CSF1: variants seen among roughly 807,000 people sequenced by gnomAD.
The protein encoded by CSF1 is macrophage colony-stimulating factor 1.
A neutral mutation model predicts 48.9 loss-of-function variants in CSF1; 9 were observed. The ratio of observed to expected loss-of-function variants is 0.18; its 90% CI spans 0.11 to 0.32. CSF1 has a LOEUF of 0.32. Among genes scored for constraint, CSF1 ranks in the 10% least tolerant of loss-of-function variants. The probability of loss-of-function intolerance (pLI) is 1.00; values close to 1 mark genes in which losing one functional copy is unlikely to be tolerated. For missense variants in CSF1, 672 were observed against 697.9 expected (o/e 0.96, Z 0.42); for synonymous variants, 305 against 284.1 (o/e 1.07, Z -0.74).
chr1:109,923,020 C>T (rs556508943), intron 5 of CSF1, 146 bp from the exon 6 acceptor site: 8 of 721,046 alleles, frequency 1.1e-5, no homozygotes, highest in South Asian at 4.8e-5. Context: ...GTCCCATCCT[C>T]TTCTCAGCCC....
chr1:109,923,901 G>A lies in CSF1; in HGVS notation c.1280G>A (p.Arg427Lys). 6.2e-7 allele frequency: 1 copy of A among 1,614,074 alleles called. No individual in the cohort carries two copies. The highest frequency in any genetic ancestry group is 8.5e-7 in the Non-Finnish European group (1 of 1,179,916). ...CTCTCTGCTCAGCCACAGCTTTCCA[G>A]AAGCCACTCCTCGGGCAGCGTGCTG... ...STLSAQPQLS[R>K]SHSSGSVLPL... The change falls in exon 6 of 9, where the codon AGA (arginine) becomes AAA (lysine). Residue 427 changes from arginine to lysine, a missense_variant. This residue lies in a region of CSF1 where 591 missense variants were observed against 593.6 expected (regional missense o/e 1.00). Coordinates refer to ENST00000329608, the MANE Select transcript of CSF1 (RefSeq NM_000757.6).
rs1293849497 is a variant in CSF1 at position 109,929,468 on chromosome 1, G to C, written c.*630G>C. ...CACCCTCGGCTCACCTAAGTGCCCT[G>C]TGCTGGTTGCCAGGCGCAGAGGGGA... On this transcript the variant is annotated 3_prime_UTR_variant, in exon 9 of 9. Transcript: ENST00000329608. 6.5e-6 allele frequency: 1 copy of C among 152,818 alleles called. No individual in the cohort carries two copies. The highest frequency in any genetic ancestry group is 1.5e-5 in the Non-Finnish European group (1 of 68,242). 9.5% of individuals were successfully genotyped at this position (152,818 alleles called of 1,614,324 possible).
Position 109,921,828 on chromosome 1 carries a change from G to GT in CSF1, c.397-19_397-18insT. ...GCCAATGGTCATGCTCACAAAAGGG[G>GT]GCCCTGATCTCCTTCCAGGCCTGCG... On this transcript the variant is annotated intron_variant, in intron 4 of 8. Transcript: ENST00000329608. The GT allele has an allele frequency of 1.9e-6, 3 of 1,538,632 alleles. No individual in the cohort carries two copies. In the South Asian group the frequency reaches 3.7e-5, roughly 19 times the overall value.
chr1:109,912,281 A>AG (rs1654722943), intron 1 of CSF1, among the ~76,000 whole-genome samples: 1 of 152,028 alleles, frequency 6.6e-6, no homozygotes, highest in Non-Finnish European at 1.5e-5. Flanking sequence ...GGCCTTGTTG[A>AG]GGGGGAAGAT....
At chr1:109,925,745 C>T (rs1647817877) in intron 8 of CSF1, among the ~76,000 whole-genome samples, 1 of 152,136 alleles carries the variant, frequency 6.6e-6, no homozygotes, top group Non-Finnish European at 1.5e-5. Flanking sequence ...GGTCATTTGG[C>T]CCTGGTTCCC....
At chr1:109,918,591 A>G (rs1320614602) in intron 4 of CSF1, among the ~76,000 whole-genome samples, 1 of 152,166 alleles carries the variant, frequency 6.6e-6, no homozygotes, top group African/African-American at 2.4e-5. Flanking sequence ...AAGACTTGGT[A>G]CGTGCAGTGG....
chr1:109,911,194 G>A (rs1654667694), intron 1 of CSF1, 132 bp downstream of exon 1: 1 of 514,734 alleles, frequency 1.9e-6, no homozygotes. Context: ...TCCCGCCGCG[G>A]ACGAACCGCC....
At chr1:109,926,839 G>C (rs1647863012) in intron 8 of CSF1, 1 of 152,238 alleles carries the variant, frequency 6.6e-6, no homozygotes, top group Non-Finnish European at 1.5e-5. Flanking sequence ...GGCAGGGACT[G>C]TCTTCCACTT....
intron 3 of CSF1, 46 bp downstream of exon 3, chr1:109,915,742 A>T (rs1472080488): frequency 6.7e-7 from 1 of 1,483,266 alleles, no homozygotes; most frequent in Non-Finnish European, 9.4e-7. Flanking sequence ...CCTGCATGCA[A>T]CTCCCAGGGT....
intron 1 of CSF1, among the ~76,000 whole-genome samples, chr1:109,912,302 A>C (rs1049171540): frequency 6.6e-6 from 1 of 152,110 alleles, no homozygotes; most frequent in African/African-American, 2.4e-5. Context: ...GAAATGGAAT[A>C]GGATAGGTGG....
intron 8 of CSF1, among the ~76,000 whole-genome samples, chr1:109,927,741 C>T (rs1429699359): frequency 6.6e-6 from 1 of 152,146 alleles, no homozygotes; most frequent in Non-Finnish European, 1.5e-5. Context: ...GAGTGCCAGC[C>T]CCTAGAGTGA....
chr1:109,923,528 T>C lies in CSF1; in HGVS notation c.907T>C (p.Trp303Arg). 3.7e-6 allele frequency: 6 copies of C among 1,614,110 alleles called. No homozygotes were observed. Among genetic ancestry groups the C allele is most frequent in the Admixed American group, 1.7e-5 (1 of 60,024 alleles). Reference protein sequence around the residue: ...DILDSAMGTNWVPEEASGEAS... With the variant: ...DILDSAMGTNRVPEEASGEAS... ...TCTTGACTCTGCAATGGGCACTAAT[T>C]GGGTCCCAGAAGAAGCCTCTGGAGA... Residue 303 changes from tryptophan (W) to arginine (R), a missense_variant, in exon 6 of 9, where the codon TGG becomes CGG. By Grantham distance (101) the Trp-to-Arg change is moderately radical. This residue lies in a region of CSF1 where 591 missense variants were observed against 593.6 expected (regional missense o/e 1.00). Transcript: ENST00000329608.
intron 5 of CSF1, 137 bp downstream of exon 5, chr1:109,922,131 C>A: frequency 9.6e-7 from 1 of 1,045,124 alleles, no homozygotes; most frequent in Non-Finnish European, 1.4e-6. Context: ...CATGAATGTG[C>A]TTGTTCTGTG....
intron 1 of CSF1, among the ~76,000 whole-genome samples, chr1:109,912,608 A>C (rs779556414): frequency 6.6e-6 from 1 of 152,158 alleles, no homozygotes; most frequent in Non-Finnish European, 1.5e-5. Flanking sequence ...CTCAAATGTC[A>C]TCAAAGCCAG....
chr1:109,913,661 T>G (rs967758142), intron 1 of CSF1, among the ~76,000 whole-genome samples: 14 of 152,226 alleles, frequency 9.2e-5, no homozygotes, highest in Non-Finnish European at 1.3e-4. Context: ...TCAGCTGGGC[T>G]CCTTTTGAAA....
rs1329532610 is a variant in CSF1, at chr1:109,911,081, G to A, written c.39+19G>A. The A allele has an allele frequency of 9.5e-7, 1 of 1,056,368 alleles. No homozygotes were observed. Among genetic ancestry groups the A allele is most frequent in the Non-Finnish European group, 1.1e-6 (1 of 878,794 alleles). 65.4% of individuals were successfully genotyped at this position (1,056,368 alleles called of 1,614,324 possible). A position where few individuals can be genotyped will look rare whatever the true frequency, so the allele number is the denominator to read the frequency against. On this transcript the variant is annotated intron_variant, in intron 1 of 8. Coordinates refer to ENST00000329608, the MANE Select transcript of CSF1 (RefSeq NM_000757.6). The stretch of plus-strand genomic sequence containing the variant: ...TCCCACGGTAAGCGACGGCCGCGGC[G>A]CTGGGCCCGGGACGGGCTGGGGCGG...
At chr1:109,920,877 GGGA>G in intron 4 of CSF1, among the ~76,000 whole-genome samples, 1 of 152,120 alleles carries the variant, frequency 6.6e-6, no homozygotes, top group Non-Finnish European at 1.5e-5. Context: ...GGAGGAGAAG[GGGA>G]GCTTGGTAAG....
intron 4 of CSF1, among the ~76,000 whole-genome samples, chr1:109,919,343 T>C (rs1413895130): frequency 1.3e-5 from 2 of 152,160 alleles, no homozygotes; most frequent in Admixed American, 1.3e-4. Flanking sequence ...GCTCAATTGA[T>C]CCTCTGACTT....
chr1:109,925,046 A>G, intron 7 of CSF1, 101 bp from the exon 8 acceptor site: 1 of 1,162,816 alleles, frequency 8.6e-7, no homozygotes, highest in Middle Eastern at 2.7e-4. Context: ...TCAATCTGAG[A>G]GGGCCTAGAG....
Sources: allele counts gnomAD v4.1 joint callset (sites outside exome capture counted in the v4.1 genomes callset), GRCh38; gene constraint gnomAD v4.1.1; regional missense constraint gnomAD v4.1.1; transcripts MANE v1.5; gene names NCBI Gene and HGNC (gene_info 2026-07-23, HGNC 2026-07-21).